Variants in SLC24A2 observed in about 807,000 individuals in gnomAD.
SLC24A2 encodes the protein solute carrier family 24 member 2, also known as sodium/potassium/calcium exchanger 2.
A neutral mutation model predicts 62.0 loss-of-function variants in SLC24A2; 36 were observed. That is an observed-to-expected ratio of 0.58 (90% CI 0.44 to 0.77). The LOEUF is 0.77. SLC24A2 is among the 30% of genes least tolerant of loss of function. SLC24A2 has a pLI of 0.00. For synonymous variants in SLC24A2, 358 were observed against 294.0 expected, an observed-to-expected ratio of 1.22 and a Z score of -2.23; for missense variants, 846 against 817.9, an observed-to-expected ratio of 1.03 and a Z score of -0.42.
chr9:20,022,830 C>T, the SLC24A2 span, among the ~76,000 whole-genome samples: 2 of 152,092 alleles, frequency 1.3e-5, no homozygotes, highest in Non-Finnish European at 2.9e-5. Context: ...TAAAAAATAT[C>T]GCATTACAGA....
chr9:19,908,324 A>G, the SLC24A2 span, among the ~76,000 whole-genome samples: 7 of 152,198 alleles, frequency 4.6e-5, no homozygotes, highest in Admixed American at 3.9e-4. Context: ...CACCTTATAC[A>G]AAAATTAATT....
At chr9:19,517,497 G>A (rs572391616) in intron 10 of SLC24A2, among the ~76,000 whole-genome samples, 6 of 152,298 alleles carry the variant, frequency 3.9e-5, no homozygotes, top group South Asian at 2.1e-4. Flanking sequence ...CTGGAGAGAC[G>A]GCATTGGAAG....
chr9:20,134,820 T>C, the SLC24A2 span, among the ~76,000 whole-genome samples: 1 of 152,192 alleles, frequency 6.6e-6, no homozygotes, highest in Non-Finnish European at 1.5e-5. Flanking sequence ...TATGCAGAAA[T>C]GGAAAGGTAT....
chr9:19,921,633 A>T, the SLC24A2 span, among the ~76,000 whole-genome samples: 200 of 152,238 alleles, frequency 1.3e-3, 1 homozygote, highest in African/African-American at 4.6e-3. Flanking sequence ...ACAGAGAAAA[A>T]TGTATTCATC....
the SLC24A2 span, among the ~76,000 whole-genome samples, chr9:20,029,824 CTGTGTGTGTGTA>C: frequency 5.3e-5 from 8 of 150,068 alleles, no homozygotes; most frequent in African/African-American, 1.0e-4. Context: ...GTGTGTGTGT[CTGTGTGTGTGTA>C]TGTGTGTGTA....
At chr9:20,258,407 T>C in the SLC24A2 span, among the ~76,000 whole-genome samples, 1 of 152,174 alleles carries the variant, frequency 6.6e-6, no homozygotes, top group African/African-American at 2.4e-5. Flanking sequence ...GAGACTGGCA[T>C]GTGGGTCAGT....
At chr9:19,677,959 G>A (rs1313544633) in intron 2 of SLC24A2, among the ~76,000 whole-genome samples, 1 of 152,068 alleles carries the variant, frequency 6.6e-6, no homozygotes, top group African/African-American at 2.4e-5. Context: ...GACAGAGCCA[G>A]GTTCCAGGCA....
chr9:20,274,047 T>G, the SLC24A2 span, among the ~76,000 whole-genome samples: 1,081 of 152,328 alleles, frequency 7.1e-3, 10 homozygotes, highest in African/African-American at 0.025. Flanking sequence ...GATGTATGTC[T>G]CCACTCATTC....
At chr9:20,103,232 GGCCT>G in the SLC24A2 span, among the ~76,000 whole-genome samples, 1 of 152,336 alleles carries the variant, frequency 6.6e-6, no homozygotes. Context: ...AGCTCAAGGA[GGCCT>G]GCCTGCCTCT....
At chr9:19,717,454 T>A (rs1044960554) in intron 2 of SLC24A2, among the ~76,000 whole-genome samples, 6 of 152,182 alleles carry the variant, frequency 3.9e-5, no homozygotes, top group Non-Finnish European at 7.3e-5. Context: ...TATAGATGAA[T>A]TTCTAATTTT....
chr9:20,043,067 A>G, the SLC24A2 span, among the ~76,000 whole-genome samples: 1 of 152,176 alleles, frequency 6.6e-6, no homozygotes, highest in Admixed American at 6.5e-5. Context: ...TGTTCAGGTG[A>G]AAGAAAGAGT....
the SLC24A2 span, among the ~76,000 whole-genome samples, chr9:19,999,302 A>G: frequency 1.2e-4 from 18 of 152,318 alleles, no homozygotes; most frequent in East Asian, 3.1e-3. Flanking sequence ...TGAAAACCAC[A>G]CTGAGTGTTC....
chr9:20,140,622 AC>A, the SLC24A2 span, among the ~76,000 whole-genome samples: 2 of 151,896 alleles, frequency 1.3e-5, no homozygotes, highest in Non-Finnish European at 2.9e-5. Flanking sequence ...AGAATTTCTC[AC>A]CTCCTGTTCT....
chr9:19,553,582 G>C (rs1044646604), intron 7 of SLC24A2, among the ~76,000 whole-genome samples: 4 of 152,196 alleles, frequency 2.6e-5, no homozygotes, highest in Admixed American at 1.3e-4. Context: ...GTGGGTGGTG[G>C]TGTGTTGGTT....
the SLC24A2 span, among the ~76,000 whole-genome samples, chr9:19,970,729 A>AT: frequency 1.3e-5 from 2 of 152,124 alleles, no homozygotes; most frequent in African/African-American, 4.8e-5. Context: ...AAATGAATCT[A>AT]TTTTCTGTTG....
chr9:20,159,426 C>T, the SLC24A2 span, among the ~76,000 whole-genome samples: 1 of 151,536 alleles, frequency 6.6e-6, no homozygotes, highest in African/African-American at 2.4e-5. Flanking sequence ...CCCCAGAAAC[C>T]AATTTTCACC....
chr9:19,600,321 C>CG (rs1836809622), intron 4 of SLC24A2, among the ~76,000 whole-genome samples: 1 of 152,196 alleles, frequency 6.6e-6, no homozygotes, highest in South Asian at 2.1e-4. Flanking sequence ...TTCTCCCTTA[C>CG]GTATATTACT....
the SLC24A2 span, among the ~76,000 whole-genome samples, chr9:20,019,134 A>AG: frequency 7.5e-6 from 1 of 134,082 alleles, no homozygotes; most frequent in African/African-American, 3.0e-5. Flanking sequence ...AGAAAGAAAG[A>AG]AAGAAAGAAA....
chr9:20,192,130 G>A, the SLC24A2 span, among the ~76,000 whole-genome samples: 1 of 152,168 alleles, frequency 6.6e-6, no homozygotes, highest in Non-Finnish European at 1.5e-5. Context: ...TGCTAGAAGA[G>A]CAGGATTAGG....
Sources: gnomAD v4.1 joint callset for allele counts (sites outside exome capture counted in the v4.1 genomes callset) on GRCh38, gnomAD v4.1.1 for gene constraint, MANE v1.5 for transcripts, NCBI Gene and HGNC (gene_info 2026-07-23, HGNC 2026-07-21) for gene names.